Variants in EPHB1 observed in about 807,000 individuals in gnomAD.
EPHB1 encodes the protein ephrin type-B receptor 1.
Under a neutral mutation model 94.4 loss-of-function variants are expected in EPHB1, and 30 were observed. That is an observed-to-expected ratio of 0.32 (90% CI 0.24 to 0.43). EPHB1 has a LOEUF of 0.43. EPHB1 is among the 20% of genes least tolerant of loss of function. EPHB1 has a pLI of 1.00. For synonymous variants in EPHB1, 522 were observed against 489.1 expected (o/e 1.07, Z -0.89); for missense variants, 1,055 against 1,308.3 (o/e 0.81, Z 2.99).
At chr3:134,852,201 C>A (rs1560263218) in intron 1 of EPHB1, among the ~76,000 whole-genome samples, 1 of 152,140 alleles carries the variant, frequency 6.6e-6, no homozygotes, top group African/African-American at 2.4e-5. Flanking sequence ...CCTCAATGTC[C>A]CCTCCTTTTG....
chr3:134,841,383 T>G (rs2036774365), intron 1 of EPHB1: 1 of 152,178 alleles, frequency 6.6e-6, no homozygotes, highest in Non-Finnish European at 1.5e-5. Flanking sequence ...CCTCAAAGGC[T>G]TATGTCCTGT....
chr3:135,258,860 T>C (rs1416979309), intron 15 of EPHB1, among the ~76,000 whole-genome samples, 152 bp from the exon 16 acceptor site: 1 of 152,196 alleles, frequency 6.6e-6, no homozygotes, highest in Non-Finnish European at 1.5e-5. Context: ...AAATCTCTAA[T>C]TGGAAGTTTG....
At chr3:134,861,821 C>T (rs1452373144) in intron 1 of EPHB1, among the ~76,000 whole-genome samples, 3 of 152,062 alleles carry the variant, frequency 2.0e-5, no homozygotes, top group Admixed American at 6.6e-5. Flanking sequence ...CTATGGCACA[C>T]GTTGACCTAT....
At chr3:134,797,730 A>G (rs2035857528) in intron 1 of EPHB1, among the ~76,000 whole-genome samples, 1 of 151,436 alleles carries the variant, frequency 6.6e-6, no homozygotes, top group Non-Finnish European at 1.5e-5. Context: ...GGAGCCACTT[A>G]CCCCCGGTGC....
At chr3:135,070,850 G>A (rs1236056346) in intron 3 of EPHB1, among the ~76,000 whole-genome samples, 3 of 152,156 alleles carry the variant, frequency 2.0e-5, no homozygotes, top group African/African-American at 7.2e-5. Flanking sequence ...TGAGTATCGG[G>A]CATAGGAGAG....
intron 1 of EPHB1, among the ~76,000 whole-genome samples, chr3:134,830,664 G>A (rs939816582): frequency 5.9e-5 from 9 of 151,982 alleles, no homozygotes; most frequent in South Asian, 2.1e-4. Context: ...TCTCAAAAAC[G>A]AAACATGTGT....
intron 15 of EPHB1, among the ~76,000 whole-genome samples, chr3:135,256,301 T>C (rs1209497516): frequency 6.6e-6 from 1 of 152,224 alleles, no homozygotes; most frequent in African/African-American, 2.4e-5. Flanking sequence ...TTGATGCAGT[T>C]TCTTCCTAGT....
intron 3 of EPHB1, among the ~76,000 whole-genome samples, chr3:135,007,594 T>C (rs879318039): frequency 6.6e-6 from 1 of 152,206 alleles, no homozygotes; most frequent in Non-Finnish European, 1.5e-5. Flanking sequence ...AGACTCACCC[T>C]AGGTCATGGC....
At chr3:135,222,372 G>A (rs1559880659) in intron 12 of EPHB1, among the ~76,000 whole-genome samples, 1 of 152,196 alleles carries the variant, frequency 6.6e-6, no homozygotes, top group Non-Finnish European at 1.5e-5. Flanking sequence ...AACGCAATAT[G>A]TGATTGGTAA....
intron 3 of EPHB1, among the ~76,000 whole-genome samples, chr3:134,960,916 C>G (rs1448496694): frequency 8.8e-6 from 1 of 113,710 alleles, no homozygotes; most frequent in Admixed American, 9.0e-5. Flanking sequence ...TTCAGGGTCT[C>G]TACATCAGCA....
chr3:135,118,461 A>G (rs1303591357), intron 4 of EPHB1, among the ~76,000 whole-genome samples: 2 of 152,176 alleles, frequency 1.3e-5, no homozygotes, highest in African/African-American at 4.8e-5. Flanking sequence ...TTATAGATGA[A>G]GGATTTGAGG....
intron 3 of EPHB1, among the ~76,000 whole-genome samples, chr3:134,970,329 T>A (rs1933919279): frequency 1.3e-5 from 2 of 152,214 alleles, no homozygotes; most frequent in South Asian, 4.1e-4. Flanking sequence ...GCCTGTGATG[T>A]CCAATTATTT....
chr3:135,251,125 G>A (rs1012514521), intron 15 of EPHB1, among the ~76,000 whole-genome samples: 13 of 151,640 alleles, frequency 8.6e-5, no homozygotes, highest in Admixed American at 6.6e-4. Context: ...TCTAGCTTTC[G>A]ATCCACTGAA....
At chr3:135,039,257 C>T (rs906899742) in intron 3 of EPHB1, among the ~76,000 whole-genome samples, 4 of 152,332 alleles carry the variant, frequency 2.6e-5, no homozygotes, top group African/African-American at 9.6e-5. Flanking sequence ...GGTGCACTCA[C>T]AAACCTTGAG....
At chr3:134,869,100 A>G (rs2037443627) in intron 1 of EPHB1, among the ~76,000 whole-genome samples, 1 of 152,248 alleles carries the variant, frequency 6.6e-6, no homozygotes, top group African/African-American at 2.4e-5. Flanking sequence ...AGATGGTGTT[A>G]CATAGTGTTA....
chr3:135,149,878 G>A (rs1331131170), intron 5 of EPHB1, among the ~76,000 whole-genome samples: 1 of 152,178 alleles, frequency 6.6e-6, no homozygotes, highest in Non-Finnish European at 1.5e-5. Context: ...GACTGCTGGG[G>A]AGTCCATACC....
chr3:135,045,260 T>C (rs1936966790), intron 3 of EPHB1, among the ~76,000 whole-genome samples: 1 of 151,924 alleles, frequency 6.6e-6, no homozygotes, highest in African/African-American at 2.4e-5. Context: ...TTTACACCAG[T>C]CACTGAAAAA....
At chr3:135,208,024 T>C (rs1942943126) in intron 12 of EPHB1, among the ~76,000 whole-genome samples, 2 of 152,046 alleles carry the variant, frequency 1.3e-5, no homozygotes, top group African/African-American at 2.4e-5. Flanking sequence ...ACATATGAAT[T>C]TGGGGGACAC....
chr3:134,954,692 G>A (rs1933177831), intron 3 of EPHB1, among the ~76,000 whole-genome samples: 1 of 152,206 alleles, frequency 6.6e-6, no homozygotes, highest in African/African-American at 2.4e-5. Flanking sequence ...TTGTAGGGTG[G>A]CAGAAAGAAT....
Sources: allele counts gnomAD v4.1 joint callset (sites outside exome capture counted in the v4.1 genomes callset), GRCh38; gene constraint gnomAD v4.1.1; transcripts MANE v1.5; gene names NCBI Gene and HGNC (gene_info 2026-07-23, HGNC 2026-07-21).